The following DUSP22 variants were observed in gnomAD, a reference collection of about 807,000 sequenced individuals.
DUSP22 encodes dual specificity protein phosphatase 22.
Under a neutral mutation model 24.5 loss-of-function variants are expected in DUSP22, and 24 were observed. That is an observed-to-expected ratio of 0.98 (90% confidence interval 0.71 to 1.38). The LOEUF (loss-of-function observed/expected upper bound fraction) is 1.38, where lower values mean the gene tolerates loss of function less well. Among genes scored for constraint, DUSP22 ranks in the 40% most tolerant of loss-of-function variants. The pLI, the probability that DUSP22 is intolerant of heterozygous loss-of-function variation, is 0.00. For missense variants in DUSP22, 330 were observed against 269.2 expected (o/e 1.23, Z -1.58); for synonymous variants, 160 against 106.4 (o/e 1.50, Z -3.10).
In DUSP22 at chr6:350,500, A is replaced by G. The variant is rs1760144827; in HGVS notation, c.*1549A>G. On this transcript the variant is annotated 3_prime_UTR_variant, in exon 7 of 7. Coordinates refer to ENST00000419235, the MANE Select transcript of DUSP22 (RefSeq NM_001286555.3). ...AATAAGAAGAGCAGTTTTCCTGTGC[A>G]TATAGAGGGTGTGTCAAAGGTGAGC... 1.6e-6 allele frequency: 2 copies of G among 1,264,900 alleles called. No individual in the cohort carries two copies. The highest frequency in any genetic ancestry group is 2.0e-6 in the Non-Finnish European group (2 of 1,000,638). 78.4% of individuals were successfully genotyped at this position (1,264,900 alleles called of 1,614,324 possible). A position where few individuals can be genotyped will look rare whatever the true frequency, so the allele number is the denominator to read the frequency against.
chr6:315,064 G>C (rs1473971028), intron 3 of DUSP22, among the ~76,000 whole-genome samples: 4 of 152,306 alleles, frequency 2.6e-5, no homozygotes, highest in Non-Finnish European at 4.4e-5. Flanking sequence ...TTGGGTGGAT[G>C]AGAGAAGATG....
At chr6:296,385 T>A (rs1290561621) in intron 1 of DUSP22, among the ~76,000 whole-genome samples, 1 of 152,306 alleles carries the variant, frequency 6.6e-6, no homozygotes, top group East Asian at 1.9e-4. Flanking sequence ...ACTGCCAGGG[T>A]CACCCAGCTG....
At position 348,970 on chromosome 6, in the gene DUSP22, T is replaced by C; in HGVS notation, c.*19T>C. 6.4e-7 allele frequency: 1 copy of C among 1,564,468 alleles called. No homozygotes were observed. The highest frequency in any genetic ancestry group is 8.7e-7 in the Non-Finnish European group (1 of 1,154,170). ...GACCTAACGCAAGCGACCTGCTGCC[T>C]TCCTTCCCACTGCTTGTCTTCAGTG... On this transcript the variant is annotated 3_prime_UTR_variant, in exon 7 of 7. Coordinates refer to ENST00000419235, the MANE Select transcript of DUSP22 (RefSeq NM_001286555.3).
intron 3 of DUSP22, among the ~76,000 whole-genome samples, chr6:324,805 A>C (rs1362717884): frequency 2.0e-5 from 3 of 152,300 alleles, no homozygotes; most frequent in Admixed American, 2.0e-4. Context: ...GCCTGAAGAC[A>C]AGCGGCAGTC....
chr6:304,817 A>G (rs1757747319), intron 2 of DUSP22, among the ~76,000 whole-genome samples, 156 bp downstream of exon 2: 1 of 152,304 alleles, frequency 6.6e-6, no homozygotes, highest in South Asian at 2.1e-4. Context: ...CATGTTCCCA[A>G]ACTGAAACTG....
intron 3 of DUSP22, among the ~76,000 whole-genome samples, chr6:316,146 T>A (rs1437950264): frequency 1.3e-5 from 2 of 152,308 alleles, no homozygotes; most frequent in Non-Finnish European, 2.9e-5. Flanking sequence ...ATGGTGTTAT[T>A]TAGTGCCTCT....
At chr6:297,815 A>C (rs1757409488) in intron 1 of DUSP22, among the ~76,000 whole-genome samples, 1 of 152,306 alleles carries the variant, frequency 6.6e-6, no homozygotes, top group Admixed American at 6.5e-5. Flanking sequence ...CAGGTCAGGC[A>C]CCTTTGTGCT....
intron 1 of DUSP22, 115 bp downstream of exon 1, chr6:292,675 G>C: frequency 7.2e-7 from 1 of 1,387,434 alleles, no homozygotes; most frequent in South Asian, 1.5e-5. Context: ...CGGTGGGGAC[G>C]GGCGCGGAGG....
At chr6:322,965 G>A (rs949222345) in intron 3 of DUSP22, among the ~76,000 whole-genome samples, 8 of 152,294 alleles carry the variant, frequency 5.3e-5, no homozygotes, top group Non-Finnish European at 8.8e-5. Context: ...AAGAAAATGC[G>A]CCCTAGTTTA....
At chr6:330,280 C>T (rs112730377) in intron 3 of DUSP22, among the ~76,000 whole-genome samples, 2,716 of 151,540 alleles carry the variant, frequency 0.018, 3 homozygotes, top group Non-Finnish European at 0.028. Context: ...TTGCTCTCCC[C>T]CTCCTTGTGT....
chr6:330,082 C>G (rs894658435), intron 3 of DUSP22, among the ~76,000 whole-genome samples: 1 of 152,296 alleles, frequency 6.6e-6, no homozygotes, highest in Non-Finnish European at 1.5e-5. Context: ...CACCCGGCAC[C>G]TCCCTCATGG....
chr6:295,927 T>C (rs1174358833), intron 1 of DUSP22, among the ~76,000 whole-genome samples: 2 of 152,228 alleles, frequency 1.3e-5, no homozygotes, highest in Non-Finnish European at 2.9e-5. Context: ...GATTGGGGAA[T>C]GGAGATTTGG....
Position 311,939 on chromosome 6 carries a change from G to T in DUSP22, c.115G>T (p.Asp39Tyr), listed in dbSNP as rs1469443817. ...GGTGACACATATTCTGTCTGTCCAC[G>T]ATAGTGCCAGGCCTATGTTGGAGGT... ...NKVTHILSVH[D>Y]SARPMLEGVK... Residue 39 changes from aspartate (D) to tyrosine (Y), a missense_variant, in exon 3 of 7, where the codon GAT becomes TAT. Transcript: ENST00000419235. 3 of 1,612,526 alleles carry T rather than the reference G, an allele frequency of 1.9e-6. No homozygotes were observed. The highest frequency in any genetic ancestry group is 1.1e-5 in the South Asian group (1 of 90,970).
rs991666529 is a variant in DUSP22 at position 349,908 on chromosome 6, T to G, written c.*957T>G. 2.0e-6 allele frequency: 2 copies of G among 985,904 alleles called. No individual in the cohort carries two copies. Among genetic ancestry groups the G allele is most frequent in the Non-Finnish European group, 2.4e-6 (2 of 830,228 alleles). The allele number at this position is 985,904 out of a possible 1,614,324, so 61.1% of individuals were successfully genotyped here. ...CCCTCCTCTCTGCTCCTTGCCAGCT[T>G]CATTCACTCCCAGCCTCTCGCTGTC... On this transcript the variant is annotated 3_prime_UTR_variant, in exon 7 of 7. Coordinates refer to ENST00000419235, the MANE Select transcript of DUSP22 (RefSeq NM_001286555.3).
chr6:327,858 G>A (rs1418333465), intron 3 of DUSP22, among the ~76,000 whole-genome samples: 1 of 152,312 alleles, frequency 6.6e-6, no homozygotes, highest in South Asian at 2.1e-4. Flanking sequence ...ACTAACAGCA[G>A]CCCAGGGTTG....
chr6:322,514 T>A (rs1237845050), intron 3 of DUSP22, among the ~76,000 whole-genome samples: 1 of 152,298 alleles, frequency 6.6e-6, no homozygotes, highest in Non-Finnish European at 1.5e-5. Context: ...AAGAAGACCC[T>A]CGTGTTTGGC....
chr6:328,390 T>TA (rs544380625), intron 3 of DUSP22, among the ~76,000 whole-genome samples: 273 of 152,314 alleles, frequency 1.8e-3, no homozygotes, highest in Non-Finnish European at 2.8e-3. Flanking sequence ...CGTGCCCACT[T>TA]TAGCCTTGCA....
At chr6:330,137 C>T (rs1198054936) in intron 3 of DUSP22, among the ~76,000 whole-genome samples, 3 of 152,308 alleles carry the variant, frequency 2.0e-5, no homozygotes, top group African/African-American at 2.4e-5. Context: ...GGAGGACCCC[C>T]CTGGGCTCAC....
rs920220201 is a variant in DUSP22, at chr6:350,842, T to C, written c.*1891T>C. On this transcript the variant is annotated 3_prime_UTR_variant, in exon 7 of 7. Coordinates refer to ENST00000419235, the MANE Select transcript of DUSP22 (RefSeq NM_001286555.3). ...CACAGCCGCTCCGGGAATTCTGAAG[T>C]TCTGGGCCTTTCTCAGAAGACTGTA... 4 of 1,614,160 alleles carry C rather than the reference T, an allele frequency of 2.5e-6. No individual in the cohort carries two copies. In the African/African-American group the frequency reaches 4.0e-5, roughly 16 times the overall value.
Sources: gnomAD v4.1 joint callset for allele counts (sites outside exome capture counted in the v4.1 genomes callset) on GRCh38, gnomAD v4.1.1 for gene constraint, MANE v1.5 for transcripts, NCBI Gene and HGNC (gene_info 2026-07-23, HGNC 2026-07-21) for gene names.